Variants in FMN1 observed in about 807,000 individuals in gnomAD.
The protein encoded by FMN1 is formin 1.
A neutral mutation model predicts 132.4 loss-of-function variants in FMN1; 110 were observed. The observed-to-expected ratio is 0.83, with a 90% CI of 0.71 to 0.97. The LOEUF is 0.97. FMN1 is among the 50% of genes least tolerant of loss of function. The pLI is 0.00. For missense variants in FMN1, 1,792 were observed against 1,705.3 expected, an observed-to-expected ratio of 1.05 and a Z score of -0.90; for synonymous variants, 722 against 651.7, an observed-to-expected ratio of 1.11 and a Z score of -1.64.
chr15:32,980,307 G>GA lies in FMN1; in HGVS notation c.2224-10831dup, dbSNP rs58235101. ...AGAATTTGAGTGTCTAGGTCAGTTT[G>GA]AAAAAAAAAAAAACAAAAACCTAAA... is the stretch of plus-strand genomic sequence containing the variant. On this transcript the variant is annotated intron_variant, in intron 7 of 20. Transcript: ENST00000616417. Among the ~76,000 whole-genome samples the GA allele has an allele frequency of 1.0e-2, 1,339 of 134,192 alleles. 17 individuals are homozygous for GA. The highest frequency in any genetic ancestry group is 0.024 in the African/African-American group (910 of 37,740). 88.0% of individuals were successfully genotyped at this position (134,192 alleles called of 152,430 possible).
chr15:32,912,247 G>T (rs983039994), intron 10 of FMN1, among the ~76,000 whole-genome samples: 3 of 152,096 alleles, frequency 2.0e-5, no homozygotes, highest in African/African-American at 7.2e-5. Flanking sequence ...TCAGTCTGGG[G>T]CCCAGGCACA....
At chr15:32,782,678 T>C (rs1184375657) in intron 19 of FMN1, among the ~76,000 whole-genome samples, 3 of 152,204 alleles carry the variant, frequency 2.0e-5, no homozygotes, top group Non-Finnish European at 4.4e-5. Context: ...GGTTAGACAG[T>C]TTCTAGCTGC....
chr15:32,825,373 T>C (rs1230968783), intron 17 of FMN1, among the ~76,000 whole-genome samples: 2 of 152,216 alleles, frequency 1.3e-5, no homozygotes, highest in East Asian at 1.9e-4. Flanking sequence ...TATTCGCCCA[T>C]CTTAATCTCT....
intron 6 of FMN1, among the ~76,000 whole-genome samples, chr15:33,061,221 G>A (rs972807235): frequency 2.6e-5 from 4 of 152,216 alleles, no homozygotes; most frequent in Non-Finnish European, 5.9e-5. Flanking sequence ...CCACAGGTCA[G>A]TCCAAATGTG....
At chr15:32,942,468 C>T (rs2061421605) in intron 9 of FMN1, among the ~76,000 whole-genome samples, 1 of 151,990 alleles carries the variant, frequency 6.6e-6, no homozygotes, top group African/African-American at 2.4e-5. Context: ...GCAGACAGGG[C>T]CAAAAATAAA....
intron 2 of FMN1, among the ~76,000 whole-genome samples, chr15:33,191,859 C>T (rs751954596): frequency 7.2e-5 from 11 of 152,192 alleles, no homozygotes; most frequent in Non-Finnish European, 1.0e-4. Flanking sequence ...CATGGTTTAG[C>T]GTCTCTGCAA....
intron 16 of FMN1, among the ~76,000 whole-genome samples, chr15:32,882,270 G>A (rs1269481990): frequency 1.3e-5 from 2 of 152,178 alleles, no homozygotes; most frequent in Admixed American, 6.5e-5. Flanking sequence ...AACAAAGTAC[G>A]GCACAGATAA....
intron 5 of FMN1, among the ~76,000 whole-genome samples, chr15:33,077,086 T>TG (rs1319594389): frequency 6.6e-6 from 1 of 152,208 alleles, no homozygotes; most frequent in Non-Finnish European, 1.5e-5. Flanking sequence ...TGGAGTGCAG[T>TG]GGGGGCAATC....
chr15:32,767,173 A>G lies in FMN1; in HGVS notation c.*7137T>C, dbSNP rs926532438. The G allele has an allele frequency of 6.6e-6, 1 of 152,220 alleles. No individual in the cohort carries two copies. Among genetic ancestry groups the G allele is most frequent in the Non-Finnish European group, 1.5e-5 (1 of 68,036 alleles). 9.4% of individuals were successfully genotyped at this position (152,220 alleles called of 1,614,324 possible). A position where few individuals can be genotyped will look rare whatever the true frequency, so the allele number is the denominator to read the frequency against. On this transcript the variant is annotated 3_prime_UTR_variant, in exon 21 of 21. Transcript: ENST00000616417. ...CCCTAACAATGTAATCTATCAGCAA[A>G]ACATTGCACTAGCCTCGTTCAAATT...
chr15:33,170,449 A>C (rs1168937067), intron 3 of FMN1, among the ~76,000 whole-genome samples: 1 of 152,180 alleles, frequency 6.6e-6, no homozygotes. Flanking sequence ...TGCACAGCAA[A>C]GCAGAGTGAA....
chr15:33,021,771 T>G lies in FMN1; in HGVS notation c.2162-13696A>C, dbSNP rs557453263. Among the ~76,000 whole-genome samples, 4 of 152,334 alleles carry G rather than the reference T, an allele frequency of 2.6e-5. No homozygotes were observed. In the East Asian group the frequency reaches 7.7e-4, roughly 29 times the overall value. On this transcript the variant is annotated intron_variant, in intron 6 of 20. Coordinates refer to ENST00000616417, the MANE Select transcript of FMN1 (RefSeq NM_001277313.2). ...TCTACCCTGTTCTTTTCTGTTACCC[T>G]TGTTTTATGTTCTATCATAATAGAG...
At chr15:32,875,280 G>A (rs958273015) in intron 16 of FMN1, among the ~76,000 whole-genome samples, 1 of 151,956 alleles carries the variant, frequency 6.6e-6, no homozygotes, top group African/African-American at 2.4e-5. Flanking sequence ...GAATCCAGGG[G>A]TAACAGACCC....
chr15:32,878,008 A>C (rs889258894), intron 16 of FMN1, among the ~76,000 whole-genome samples: 4 of 152,148 alleles, frequency 2.6e-5, no homozygotes, highest in African/African-American at 9.6e-5. Flanking sequence ...ACAAACAAAT[A>C]AATAGAAAAT....
At chr15:32,813,571 G>T (rs997465486) in intron 17 of FMN1, among the ~76,000 whole-genome samples, 3 of 152,158 alleles carry the variant, frequency 2.0e-5, no homozygotes, top group African/African-American at 7.2e-5. Context: ...TTGATTTGTG[G>T]CTGATATTCT....
At chr15:32,788,153 T>C (rs2056942459) in intron 19 of FMN1, among the ~76,000 whole-genome samples, 1 of 152,180 alleles carries the variant, frequency 6.6e-6, no homozygotes, top group South Asian at 2.1e-4. Flanking sequence ...GAGTTGAAGT[T>C]GGGGAGCCCT....
intron 10 of FMN1, among the ~76,000 whole-genome samples, chr15:32,915,131 G>A (rs1032952838): frequency 3.3e-5 from 5 of 152,182 alleles, no homozygotes; most frequent in Non-Finnish European, 7.3e-5. Context: ...ATTGGCCTGG[G>A]AAGGTTAGGG....
chr15:33,068,387 G>C (rs912112493), intron 5 of FMN1, among the ~76,000 whole-genome samples: 4 of 152,146 alleles, frequency 2.6e-5, no homozygotes, highest in African/African-American at 4.8e-5. Context: ...CCACTGCCCA[G>C]AGCAGCCTAA....
chr15:33,119,558 AATG>A (rs1962355637), intron 4 of FMN1, among the ~76,000 whole-genome samples: 1 of 152,180 alleles, frequency 6.6e-6, no homozygotes, highest in Non-Finnish European at 1.5e-5. Flanking sequence ...TAGCCCTATT[AATG>A]ATAAAACTTT....
intron 4 of FMN1, among the ~76,000 whole-genome samples, chr15:33,125,109 TAGAACA>T (rs1195853284): frequency 0.011 from 1,745 of 152,296 alleles, 27 homozygotes; most frequent in African/African-American, 0.038. Flanking sequence ...CATAATGCCT[TAGAACA>T]TTACATCTAG....
Sources: gnomAD v4.1 joint callset for allele counts (sites outside exome capture counted in the v4.1 genomes callset) on GRCh38, gnomAD v4.1.1 for gene constraint, MANE v1.5 for transcripts, NCBI Gene and HGNC (gene_info 2026-07-23, HGNC 2026-07-21) for gene names.